The following ZNF148 variants were observed in gnomAD, a reference collection of about 807,000 sequenced individuals.
ZNF148 encodes Beta-Enolase Repressor Factor-1.
ZNF148 carries 7 observed loss-of-function variants against 67.7 expected under a neutral mutation model. The ratio of observed to expected loss-of-function variants is 0.10; its 90% CI spans 0.06 to 0.19. ZNF148 has a LOEUF of 0.19. Among genes scored for constraint, ZNF148 ranks in the 10% least tolerant of loss-of-function variants. ZNF148 has a pLI of 1.00. For synonymous variants in ZNF148, 333 were observed against 330.7 expected, an observed-to-expected ratio of 1.01 and a Z score of -0.08; for missense variants, 583 against 947.1, an observed-to-expected ratio of 0.62 and a Z score of 5.05.
intron 1 of ZNF148, among the ~76,000 whole-genome samples, chr3:125,360,524 G>T (rs1260651767): frequency 6.6e-6 from 1 of 152,026 alleles, no homozygotes; most frequent in African/African-American, 2.4e-5. Context: ...GAGCTCAAGT[G>T]ATCCTCCTGC....
rs1938238126 is a variant in ZNF148, at chr3:125,279,238, T to C, written c.469A>G (p.Ile157Val). 6.4e-7 allele frequency: 1 copy of C among 1,561,604 alleles called. No homozygotes were observed. Among genetic ancestry groups the C allele is most frequent in the Non-Finnish European group, 8.6e-7 (1 of 1,157,492 alleles). The change falls in exon 6 of 9, where the codon ATA (isoleucine) becomes GTA (valine). Residue 157 changes from isoleucine (I) to valine (V), a missense_variant. Physicochemically the swap from Ile to Val is conservative, Grantham distance 29 (BLOSUM62 3). Transcript: ENST00000360647. The part of the protein sequence containing the change: ...KQRSPAKILT[I>V]NEDGSLGLKT... The stretch of plus-strand genomic sequence containing the variant: ...AAACCAAGTGATCCATCCTCATTTA[T>C]TGTAAGGATCTAGTTCAAAAAAAAA...
chr3:125,281,833 T>C (rs1340695765), intron 5 of ZNF148, among the ~76,000 whole-genome samples: 1 of 152,200 alleles, frequency 6.6e-6, no homozygotes, highest in Non-Finnish European at 1.5e-5. Context: ...TTTCCTTACT[T>C]TCTTTTTAGG....
intron 1 of ZNF148, among the ~76,000 whole-genome samples, chr3:125,337,549 TAC>T (rs571797630): frequency 1.3e-5 from 2 of 152,208 alleles, no homozygotes; most frequent in Admixed American, 6.5e-5. Context: ...ATAATCATGA[TAC>T]ACTTTGTACT....
intron 1 of ZNF148, among the ~76,000 whole-genome samples, chr3:125,355,371 C>T (rs980233660): frequency 6.6e-6 from 1 of 152,126 alleles, no homozygotes; most frequent in African/African-American, 2.4e-5. Context: ...CTGTCATATG[C>T]ATTGTAGGAG....
chr3:125,247,931 G>A (rs1262054600), intron 7 of ZNF148, among the ~76,000 whole-genome samples: 2 of 152,110 alleles, frequency 1.3e-5, no homozygotes, highest in Non-Finnish European at 2.9e-5. Context: ...AAAAACCATT[G>A]TCCTAATTCC....
At chr3:125,259,210 C>A (rs1937228174) in intron 7 of ZNF148, among the ~76,000 whole-genome samples, 2 of 152,086 alleles carry the variant, frequency 1.3e-5, no homozygotes, top group Middle Eastern at 3.2e-3. Context: ...CGTAAAATAG[C>A]TGAACAGACA....
At chr3:125,296,829 T>A (rs185767346) in intron 4 of ZNF148, among the ~76,000 whole-genome samples, 36 of 152,212 alleles carry the variant, frequency 2.4e-4, no homozygotes, top group Non-Finnish European at 4.1e-4. Flanking sequence ...CAAGATGAAA[T>A]GCTCATGGTT....
chr3:125,302,058 C>T (rs1281782153), intron 4 of ZNF148, among the ~76,000 whole-genome samples: 2 of 151,138 alleles, frequency 1.3e-5, no homozygotes, highest in Non-Finnish European at 2.9e-5. Flanking sequence ...GGGCGAGACT[C>T]CATCTCAAAA....
chr3:125,253,459 C>A (rs995637523), intron 7 of ZNF148, among the ~76,000 whole-genome samples: 1 of 152,064 alleles, frequency 6.6e-6, no homozygotes, highest in Non-Finnish European at 1.5e-5. Flanking sequence ...GGCCTTACTG[C>A]ACTGACTAGG....
intron 7 of ZNF148, among the ~76,000 whole-genome samples, chr3:125,255,814 C>G (rs2107559050): frequency 6.6e-6 from 1 of 152,138 alleles, no homozygotes; most frequent in South Asian, 2.1e-4. Flanking sequence ...GAAAAAGCAG[C>G]CACTCTTCTT....
chr3:125,246,084 CA>C (rs1936586771), intron 7 of ZNF148, among the ~76,000 whole-genome samples: 1 of 152,090 alleles, frequency 6.6e-6, no homozygotes, highest in Non-Finnish European at 1.5e-5. Context: ...AAAACTTCCC[CA>C]AATCAATTCT....
At chr3:125,284,672 C>A (rs1301999291) in intron 5 of ZNF148, among the ~76,000 whole-genome samples, 2 of 151,790 alleles carry the variant, frequency 1.3e-5, no homozygotes, top group African/African-American at 4.8e-5. Context: ...AAGATTTCCC[C>A]CAAAAAATGG....
chr3:125,372,572 T>C (rs1177828057), intron 1 of ZNF148, among the ~76,000 whole-genome samples: 2 of 152,226 alleles, frequency 1.3e-5, no homozygotes, highest in African/African-American at 4.8e-5. Flanking sequence ...AATACAAAAT[T>C]AATGCTTAAA....
At chr3:125,334,782 C>T (rs530092330) in intron 1 of ZNF148, among the ~76,000 whole-genome samples, 9 of 152,144 alleles carry the variant, frequency 5.9e-5, no homozygotes, top group African/African-American at 1.9e-4. Context: ...TTATCCCCCA[C>T]CCATCAACGA....
intron 7 of ZNF148, among the ~76,000 whole-genome samples, chr3:125,260,551 T>C (rs1349140545): frequency 1.3e-5 from 2 of 152,220 alleles, no homozygotes; most frequent in African/African-American, 4.8e-5. Context: ...TATGATGTTC[T>C]GGAAGAGGCA....
intron 4 of ZNF148, among the ~76,000 whole-genome samples, chr3:125,291,720 CT>C (rs1939025471): frequency 1.3e-5 from 2 of 152,114 alleles, no homozygotes; most frequent in Admixed American, 6.5e-5. Context: ...TATATTCCTT[CT>C]TTTGGCCAAA....
At chr3:125,342,669 T>G (rs1317079685) in intron 1 of ZNF148, among the ~76,000 whole-genome samples, 1 of 151,392 alleles carries the variant, frequency 6.6e-6, no homozygotes, top group South Asian at 2.1e-4. Context: ...AGAAAATGAT[T>G]TTTTTAAAAA....
At chr3:125,265,589 C>T (rs1458888832) in intron 7 of ZNF148, among the ~76,000 whole-genome samples, 4 of 152,184 alleles carry the variant, frequency 2.6e-5, no homozygotes, top group Non-Finnish European at 4.4e-5. Flanking sequence ...TTTCTCAGGA[C>T]TCTAGAGTTA....
At chr3:125,246,872 A>C (rs1001790714) in intron 7 of ZNF148, among the ~76,000 whole-genome samples, 3 of 152,216 alleles carry the variant, frequency 2.0e-5, no homozygotes, top group African/African-American at 7.2e-5. Context: ...TTTCCTTAAA[A>C]CTTTAGAAAA....
Sources: allele counts gnomAD v4.1 joint callset (sites outside exome capture counted in the v4.1 genomes callset), GRCh38; gene constraint gnomAD v4.1.1; transcripts MANE v1.5; gene names NCBI Gene and HGNC (gene_info 2026-07-23, HGNC 2026-07-21).